The following KYNU variants were observed in gnomAD, a reference collection of about 807,000 sequenced individuals.
KYNU encodes kynureninase.
KYNU carries 54 observed loss-of-function variants against 59.2 expected under a neutral mutation model. The ratio of observed to expected loss-of-function variants is 0.91; its 90% CI spans 0.73 to 1.14. The LOEUF (loss-of-function observed/expected upper bound fraction) is 1.14, where lower values mean the gene tolerates loss of function less well. Among genes scored for constraint, KYNU ranks in the 50% most tolerant of loss-of-function variants. The pLI is 0.00. For missense variants in KYNU, 567 were observed against 554.4 expected (o/e 1.02, Z -0.23); for synonymous variants, 177 against 192.0 (o/e 0.92, Z 0.65).
intron 2 of KYNU, among the ~76,000 whole-genome samples, chr2:142,894,977 G>A (rs1681820525): frequency 6.6e-6 from 1 of 152,182 alleles, no homozygotes; most frequent in African/African-American, 2.4e-5. Flanking sequence ...TATTTAACAA[G>A]TGATGCTGGA....
chr2:142,982,978 C>T (rs1685090685), intron 8 of KYNU, among the ~76,000 whole-genome samples: 1 of 151,946 alleles, frequency 6.6e-6, no homozygotes, highest in African/African-American at 2.4e-5. Context: ...TTTTTGGGAG[C>T]TGAGTATATC....
At chr2:142,999,408 G>A (rs1458675824) in intron 10 of KYNU, among the ~76,000 whole-genome samples, 2 of 151,996 alleles carry the variant, frequency 1.3e-5, no homozygotes, top group Non-Finnish European at 2.9e-5. Context: ...ATTTCTTTTT[G>A]TTGGTCTCAA....
chr2:142,899,455 TAGTC>T (rs902557121), intron 2 of KYNU, among the ~76,000 whole-genome samples: 5 of 152,184 alleles, frequency 3.3e-5, no homozygotes, highest in Non-Finnish European at 5.9e-5. Flanking sequence ...TAGGAATTCT[TAGTC>T]AGCCTAGAAA....
At chr2:142,908,525 G>C (rs58517054) in intron 2 of KYNU, among the ~76,000 whole-genome samples, 1,522 of 151,620 alleles carry the variant, frequency 0.01, 21 homozygotes, top group African/African-American at 0.036. Context: ...GCCTATATTA[G>C]AGTCCTACAC....
chr2:143,037,033 A>G (rs879505519), intron 12 of KYNU, among the ~76,000 whole-genome samples: 1 of 152,062 alleles, frequency 6.6e-6, no homozygotes, highest in Non-Finnish European at 1.5e-5. Flanking sequence ...TTTTTAATAA[A>G]TACATGTGTA....
chr2:142,991,639 G>A (rs891977799), intron 10 of KYNU, among the ~76,000 whole-genome samples: 4 of 151,736 alleles, frequency 2.6e-5, no homozygotes, highest in African/African-American at 7.3e-5. Flanking sequence ...CTGTGGTACC[G>A]TTTTCTTTTG....
At chr2:142,960,893 A>G in intron 8 of KYNU, 123 bp downstream of exon 8, 1 of 1,145,222 alleles carries the variant, frequency 8.7e-7, no homozygotes, top group South Asian at 1.3e-5. Flanking sequence ...CAAAAGTTAA[A>G]AAAAAAAAGA....
Position 143,042,075 on chromosome 2 carries a change from G to T in KYNU, c.1301G>T (p.Arg434Leu), listed in dbSNP as rs781396204. The T allele has an allele frequency of 6.2e-7, 1 of 1,611,462 alleles. No homozygotes were observed. Among genetic ancestry groups the T allele is most frequent in the Non-Finnish European group, 8.5e-7 (1 of 1,178,382 alleles). The change falls in exon 14 of 14, where the codon CGA (arginine) becomes CTA (leucine). Residue 434 changes from arginine (R) to leucine (L), a missense_variant. Coordinates refer to ENST00000264170, the MANE Select transcript of KYNU (RefSeq NM_003937.3). ...VCDKRNPNGI[R>L]VAPVPLYNSF... ...GACAAGCGGAATCCAAATGGCATTC[G>T]AGTGGCTCCAGTTCCTCTCTATAAT...
chr2:142,971,059 T>C (rs1315831374), intron 8 of KYNU: 1 of 152,190 alleles, frequency 6.6e-6, no homozygotes, highest in Non-Finnish European at 1.5e-5. Context: ...ATTTTTAAAA[T>C]GTAGTCATAT....
At chr2:142,913,294 C>T (rs549191577) in intron 2 of KYNU, among the ~76,000 whole-genome samples, 4 of 152,138 alleles carry the variant, frequency 2.6e-5, no homozygotes, top group Non-Finnish European at 5.9e-5. Flanking sequence ...TTGGGAATTG[C>T]AGATCATTCT....
At chr2:143,014,047 G>T (rs147754390) in intron 10 of KYNU, among the ~76,000 whole-genome samples, 41 of 152,340 alleles carry the variant, frequency 2.7e-4, no homozygotes, top group Admixed American at 7.8e-4. Flanking sequence ...CGTCTTTAGA[G>T]GATATAGTAT....
intron 10 of KYNU, among the ~76,000 whole-genome samples, chr2:143,001,206 G>A (rs1685701015): frequency 6.6e-6 from 1 of 151,954 alleles, no homozygotes. Context: ...ACACTAGGAG[G>A]GCACTTTAAG....
chr2:142,963,682 C>A (rs965679912), intron 8 of KYNU, among the ~76,000 whole-genome samples: 25 of 152,142 alleles, frequency 1.6e-4, no homozygotes, highest in Non-Finnish European at 3.1e-4. Context: ...AACATTTAGA[C>A]CGTAGCATCC....
intron 10 of KYNU, among the ~76,000 whole-genome samples, chr2:143,017,922 A>T (rs1686304445): frequency 6.6e-6 from 1 of 150,874 alleles, no homozygotes; most frequent in African/African-American, 2.4e-5. Flanking sequence ...CAAAATATTT[A>T]GTTCAATTGC....
At chr2:142,934,892 G>T (rs1281289722) in intron 4 of KYNU, among the ~76,000 whole-genome samples, 1 of 152,206 alleles carries the variant, frequency 6.6e-6, no homozygotes, top group African/African-American at 2.4e-5. Context: ...GGCTTACCTG[G>T]GTTTGGGCAT....
chr2:142,922,933 C>T (rs185264147), intron 3 of KYNU, among the ~76,000 whole-genome samples: 20 of 152,270 alleles, frequency 1.3e-4, no homozygotes, highest in African/African-American at 4.8e-4. Flanking sequence ...GATCAAGGTG[C>T]TGGCTGACTT....
Position 143,054,463 on chromosome 2 carries a change from A to T in KYNU, c.*12291A>T, listed in dbSNP as rs994100047. ...AGGATAACAGATTCAGGCAAAGATA[A>T]AACATTAAAGGAAAAGTTAGTGAAA... On this transcript the variant is annotated 3_prime_UTR_variant, in exon 14 of 14. Transcript: ENST00000264170. The T allele has an allele frequency of 6.6e-6, 1 of 152,208 alleles. No individual in the cohort carries two copies. Among genetic ancestry groups the T allele is most frequent in the African/African-American group, 2.4e-5 (1 of 41,458 alleles). 9.4% of individuals were successfully genotyped at this position (152,208 alleles called of 1,614,324 possible).
chr2:142,934,446 G>A (rs551594446), intron 4 of KYNU, among the ~76,000 whole-genome samples: 2 of 152,242 alleles, frequency 1.3e-5, no homozygotes, highest in Admixed American at 1.3e-4. Context: ...GTGAAGAGTA[G>A]TGTGGAGCTT....
At chr2:142,974,548 C>G (rs547091959) in intron 8 of KYNU, among the ~76,000 whole-genome samples, 2 of 152,310 alleles carry the variant, frequency 1.3e-5, no homozygotes, top group South Asian at 2.1e-4. Flanking sequence ...TTTCCCCCTG[C>G]CATCTATTTG....
Sources: gnomAD v4.1 joint callset for allele counts (sites outside exome capture counted in the v4.1 genomes callset) on GRCh38, gnomAD v4.1.1 for gene constraint, MANE v1.5 for transcripts, NCBI Gene and HGNC (gene_info 2026-07-23, HGNC 2026-07-21) for gene names.